USP53: variants seen among roughly 807,000 people sequenced by gnomAD.
USP53 encodes ubiquitin specific peptidase 53, also known as ubiquitin carboxyl-terminal hydrolase 53.
A neutral mutation model predicts 94.9 loss-of-function variants in USP53; 71 were observed. The observed-to-expected ratio is 0.75, with a 90% CI of 0.62 to 0.91. The LOEUF is 0.91. USP53 is among the 40% of genes least tolerant of loss of function. The pLI, the probability that USP53 is intolerant of heterozygous loss-of-function variation, is 0.00. For missense variants in USP53, 1,173 were observed against 1,281.0 expected, an observed-to-expected ratio of 0.92 and a Z score of 1.29; for synonymous variants, 375 against 422.7, an observed-to-expected ratio of 0.89 and a Z score of 1.39.
chr4:119,278,051 T>C (rs1488009136), intron 17 of USP53, among the ~76,000 whole-genome samples: 1 of 149,576 alleles, frequency 6.7e-6, no homozygotes, highest in Non-Finnish European at 1.5e-5. Flanking sequence ...TGACTCTTTA[T>C]CCAATTTGCC....
Position 119,283,251 on chromosome 4 carries a change from T to C in USP53, c.2252-7914T>C, listed in dbSNP as rs534462892. Among the ~76,000 whole-genome samples, 5 of 152,134 alleles carry C rather than the reference T, an allele frequency of 3.3e-5. No individual in the cohort carries two copies. The South Asian group carries it at 1.0e-3, about 31-fold the overall frequency. On this transcript the variant is annotated intron_variant, in intron 17 of 18. Transcript: ENST00000692078. ...ATTATATTCAAGACAGAAGAAATGA[T>C]ATGTTTAAAACATTGTCAGGAGAAA...
chr4:119,245,223 T>G (rs1748066327), intron 5 of USP53, 114 bp from the exon 6 acceptor site: 2 of 856,352 alleles, frequency 2.3e-6, no homozygotes, highest in Non-Finnish European at 3.8e-6. Flanking sequence ...TACAGGCAAT[T>G]AAAAGAAGTT....
intron 1 of USP53, among the ~76,000 whole-genome samples, chr4:119,213,660 A>ATATGTG: frequency 3.1e-4 from 37 of 117,784 alleles, no homozygotes; most frequent in South Asian, 8.6e-4. Context: ...ATATATATAT[A>ATATGTG]TGTGTGTGTG....
intron 17 of USP53, among the ~76,000 whole-genome samples, chr4:119,279,565 C>T (rs377289303): frequency 2.0e-5 from 3 of 150,960 alleles, no homozygotes; most frequent in African/African-American, 7.3e-5. Flanking sequence ...TTTGTCTGTG[C>T]CCTGCCCCCA....
chr4:119,256,126 C>A, intron 7 of USP53, 120 bp from the exon 8 acceptor site: 1 of 668,258 alleles, frequency 1.5e-6, no homozygotes, highest in Non-Finnish European at 2.4e-6. Context: ...AGCTGAAAAG[C>A]TAACAATATG....
At chr4:119,265,212 T>C (rs58601355) in intron 12 of USP53, among the ~76,000 whole-genome samples, 42,418 of 151,830 alleles carry the variant, frequency 0.28, 6,069 homozygotes, top group East Asian at 0.38. Flanking sequence ...ACACTGTAAC[T>C]AGATAATTTT....
At chr4:119,223,537 A>G (rs1744833879) in intron 3 of USP53, among the ~76,000 whole-genome samples, 2 of 152,202 alleles carry the variant, frequency 1.3e-5, no homozygotes, top group Non-Finnish European at 2.9e-5. Flanking sequence ...ATTGGTGAAA[A>G]GTCAAAAAAG....
chr4:119,243,260 G>A (rs1218846400), intron 5 of USP53, among the ~76,000 whole-genome samples: 1 of 152,168 alleles, frequency 6.6e-6, no homozygotes, highest in Admixed American at 6.5e-5. Flanking sequence ...CACTTTGGGA[G>A]GCCAAGGTGG....
chr4:119,222,633 C>CT (rs1744703842), intron 3 of USP53, among the ~76,000 whole-genome samples: 2 of 152,108 alleles, frequency 1.3e-5, no homozygotes, highest in African/African-American at 2.4e-5. Flanking sequence ...GGATTTCATT[C>CT]TTTTTTATGG....
chr4:119,225,696 G>A (rs1218798912), intron 3 of USP53, among the ~76,000 whole-genome samples: 5 of 151,838 alleles, frequency 3.3e-5, no homozygotes, highest in Admixed American at 6.6e-5. Context: ...CTGAGATTGC[G>A]CCACTGCACT....
intron 5 of USP53, among the ~76,000 whole-genome samples, chr4:119,241,885 C>G (rs1381644224): frequency 1.3e-5 from 2 of 152,074 alleles, no homozygotes; most frequent in African/African-American, 2.4e-5. Context: ...TACTGATGCT[C>G]TCTTTATTTT....
chr4:119,241,293 T>C (rs1747497180), intron 5 of USP53, among the ~76,000 whole-genome samples: 4 of 152,186 alleles, frequency 2.6e-5, no homozygotes, highest in Admixed American at 2.6e-4. Flanking sequence ...GACTGTTTAC[T>C]TATACATATC....
At chr4:119,284,822 C>T (rs989769124) in intron 17 of USP53, among the ~76,000 whole-genome samples, 5 of 151,834 alleles carry the variant, frequency 3.3e-5, no homozygotes, top group Non-Finnish European at 7.4e-5. Flanking sequence ...TTCATATTAA[C>T]TGAGGACACC....
At chr4:119,259,294 AAG>A (rs1491319797) in intron 9 of USP53, among the ~76,000 whole-genome samples, 12 of 132,822 alleles carry the variant, frequency 9.0e-5, no homozygotes, top group African/African-American at 5.9e-5. Context: ...AAAAAAAAAA[AAG>A]GGGGGGGAGT....
At position 119,292,470 on chromosome 4, in the gene USP53, TTC is replaced by T. The variant is rs1754866413; in HGVS notation, c.2483_2484del (p.Ser828Ter). 6.2e-7 allele frequency: 1 copy of T among 1,614,050 alleles called. No homozygotes were observed. The highest frequency in any genetic ancestry group is 8.5e-7 in the Non-Finnish European group (1 of 1,179,930). On this transcript the variant is annotated frameshift_variant, in exon 19 of 19. Coordinates refer to ENST00000692078, the MANE Select transcript of USP53 (RefSeq NM_001371395.1). LOFTEE classifies it low-confidence loss of function (END_TRUNC). ...KLEKPNECKFSEWLNIENSER... is the reference protein window; with the variant it reads ...KLEKPNECKFXEWLNIENSER... ...TTGAAAAACCGAATGAATGCAAATT[TTC>T]TGAGTGGCTTAATATAGAAAATTCT...
chr4:119,277,724 T>A (rs1367153663), intron 17 of USP53, among the ~76,000 whole-genome samples: 1 of 143,094 alleles, frequency 7.0e-6, no homozygotes, highest in South Asian at 2.3e-4. Context: ...ATTATTAATG[T>A]GTGGGAGTCT....
chr4:119,264,094 T>C (rs1750831077), intron 12 of USP53, among the ~76,000 whole-genome samples: 1 of 152,072 alleles, frequency 6.6e-6, no homozygotes. Flanking sequence ...GCTTAAAGTC[T>C]TGAAAGTTCA....
In USP53 at chr4:119,261,849, T is replaced by C. The variant is rs1750560182; in HGVS notation, c.957T>C (p.Asp319=). Residue 319 remains aspartate, a synonymous_variant, in exon 12 of 19, where the codon GAT becomes GAC. Coordinates refer to ENST00000692078, the MANE Select transcript of USP53 (RefSeq NM_001371395.1). ...GTTCCAAATGGGTATTTTTTGATGA[T>C]GCAAATGTGAAAGAGGTAAGTGACA... The part of the protein sequence containing the change: ...TKSSKWVFFD[D]ANVKEIGTRW... The C allele has an allele frequency of 1.9e-5, 28 of 1,476,248 alleles. No individual in the cohort carries two copies. The highest frequency in any genetic ancestry group is 2.6e-5 in the Non-Finnish European group (28 of 1,095,148). 91.4% of individuals were successfully genotyped at this position (1,476,248 alleles called of 1,614,324 possible).
chr4:119,227,493 G>C (rs543837605), intron 3 of USP53, among the ~76,000 whole-genome samples: 1 of 152,194 alleles, frequency 6.6e-6, no homozygotes, highest in Non-Finnish European at 1.5e-5. Context: ...AGCCGGGCGT[G>C]GTGGCGGGCG....
Sources: gnomAD v4.1 joint callset for allele counts (sites outside exome capture counted in the v4.1 genomes callset) on GRCh38, gnomAD v4.1.1 for gene constraint, MANE v1.5 for transcripts, NCBI Gene and HGNC (gene_info 2026-07-23, HGNC 2026-07-21) for gene names.